The following DPP10 variants were observed in gnomAD, a reference collection of about 807,000 sequenced individuals.
The protein encoded by DPP10 is inactive dipeptidyl peptidase 10.
In DPP10, 33 loss-of-function variants were observed where a neutral mutation model predicts 120.9. That is an observed-to-expected ratio of 0.27 (90% CI 0.21 to 0.37). DPP10 has a LOEUF of 0.37. Among genes scored for constraint, DPP10 ranks in the 10% least tolerant of loss-of-function variants. The pLI, the probability that DPP10 is intolerant of heterozygous loss-of-function variation, is 1.00. For missense variants in DPP10, 816 were observed against 942.8 expected (o/e 0.87, Z 1.76); for synonymous variants, 337 against 326.1 (o/e 1.03, Z -0.36).
At chr2:114,841,529 A>T (rs1458969459) in intron 1 of DPP10, among the ~76,000 whole-genome samples, 3 of 152,142 alleles carry the variant, frequency 2.0e-5, no homozygotes. Flanking sequence ...TCAATGTGAA[A>T]GTCAGAGAAT....
At chr2:114,607,829 C>T (rs528803364) in intron 1 of DPP10, among the ~76,000 whole-genome samples, 6 of 152,316 alleles carry the variant, frequency 3.9e-5, no homozygotes, top group East Asian at 1.9e-4. Context: ...GGTTTGGACA[C>T]GAAGTCAGTC....
intron 1 of DPP10, among the ~76,000 whole-genome samples, chr2:114,536,446 C>A (rs1178010752): frequency 1.4e-5 from 2 of 137,976 alleles, no homozygotes; most frequent in Non-Finnish European, 3.1e-5. Context: ...CGCTCTGTCA[C>A]CCCGGCTGGA....
intron 8 of DPP10, among the ~76,000 whole-genome samples, chr2:115,729,645 C>G (rs2092850291): frequency 6.6e-6 from 1 of 152,104 alleles, no homozygotes; most frequent in Non-Finnish European, 1.5e-5. Flanking sequence ...TGGCATGCAC[C>G]TGTGTTCCCA....
intron 1 of DPP10, among the ~76,000 whole-genome samples, chr2:114,607,908 A>T (rs1230136954): frequency 2.0e-5 from 3 of 152,180 alleles, no homozygotes; most frequent in Non-Finnish European, 4.4e-5. Flanking sequence ...TCAAGGAAGA[A>T]TCTTGTCCAT....
intron 1 of DPP10, among the ~76,000 whole-genome samples, chr2:114,841,573 G>A (rs1227222346): frequency 1.3e-5 from 2 of 152,108 alleles, no homozygotes; most frequent in African/African-American, 4.8e-5. Flanking sequence ...TTCATTTCCA[G>A]CCAAGTTATG....
chr2:114,709,782 T>G (rs1017404994), intron 1 of DPP10, among the ~76,000 whole-genome samples: 1 of 152,186 alleles, frequency 6.6e-6, no homozygotes, highest in Non-Finnish European at 1.5e-5. Flanking sequence ...TAAGATTTTT[T>G]TCTCTCATTT....
intron 1 of DPP10, among the ~76,000 whole-genome samples, chr2:114,489,725 A>G (rs1318038521): frequency 6.6e-6 from 1 of 152,194 alleles, no homozygotes. Context: ...TCCTGGAGGT[A>G]AAAGTACCTC....
At chr2:114,973,578 C>T (rs1311310435) in intron 1 of DPP10, among the ~76,000 whole-genome samples, 1 of 143,906 alleles carries the variant, frequency 6.9e-6, no homozygotes, top group Non-Finnish European at 1.5e-5. Context: ...AGGAGAATGG[C>T]ATGAACCCGG....
rs534803185 is a variant in DPP10, at chr2:114,845,518, C to A, written c.60+402680C>A. 2.6e-5 allele frequency among the ~76,000 whole-genome samples: 4 copies of A among 152,226 alleles called. No individual in the cohort carries two copies. In the East Asian group the frequency reaches 7.7e-4, roughly 29 times the overall value. ...ATACAACCCAATGCATACAGAACATCATTTTAAGGCAGACAGGGCCACCAC... is the reference window on the plus strand; with the variant it reads ...ATACAACCCAATGCATACAGAACATAATTTTAAGGCAGACAGGGCCACCAC... On this transcript the variant is annotated intron_variant, in intron 1 of 25. Transcript: ENST00000410059.
intron 5 of DPP10, among the ~76,000 whole-genome samples, chr2:115,623,286 G>A (rs763660590): frequency 2.6e-5 from 4 of 151,940 alleles, no homozygotes; most frequent in East Asian, 1.9e-4. Flanking sequence ...CTGCTTTAGC[G>A]AATCAAAAAT....
At chr2:114,617,587 T>C (rs572328178) in intron 1 of DPP10, among the ~76,000 whole-genome samples, 44 of 152,220 alleles carry the variant, frequency 2.9e-4, no homozygotes, top group African/African-American at 1.0e-3. Flanking sequence ...GTGTGCAATC[T>C]GGCCCTATGT....
chr2:114,836,404 G>C (rs974973515), intron 1 of DPP10, among the ~76,000 whole-genome samples: 12 of 152,242 alleles, frequency 7.9e-5, no homozygotes, highest in African/African-American at 2.6e-4. Context: ...TGGGCTTCCG[G>C]GGGAGAAATC....
intron 1 of DPP10, among the ~76,000 whole-genome samples, chr2:115,130,657 C>G (rs1472819458): frequency 1.3e-5 from 2 of 152,110 alleles, no homozygotes; most frequent in Admixed American, 1.3e-4. Context: ...CATCAGTGAC[C>G]ATGCCTTTTC....
chr2:115,716,152 G>A (rs894622450), intron 7 of DPP10, among the ~76,000 whole-genome samples: 1 of 152,200 alleles, frequency 6.6e-6, no homozygotes, highest in Non-Finnish European at 1.5e-5. Flanking sequence ...TGTTGTCACT[G>A]AATTGGACAA....
At chr2:115,313,033 C>A (rs1157518815) in intron 2 of DPP10, among the ~76,000 whole-genome samples, 4 of 152,072 alleles carry the variant, frequency 2.6e-5, no homozygotes, top group Non-Finnish European at 5.9e-5. Flanking sequence ...ACCATCCTGG[C>A]CAACATGGTG....
At chr2:114,914,783 T>A (rs541608461) in intron 1 of DPP10, among the ~76,000 whole-genome samples, 26 of 152,142 alleles carry the variant, frequency 1.7e-4, no homozygotes, top group African/African-American at 6.0e-4. Flanking sequence ...AAGACCCAAC[T>A]GTATGCTATC....
In DPP10 at chr2:115,596,870, T is replaced by C. The variant is rs2421106; in HGVS notation, c.441+70898T>C. Among the ~76,000 whole-genome samples the C allele has an allele frequency of 7.9e-3, 1,210 of 152,306 alleles. 17 individuals are homozygous for C. The highest frequency in any genetic ancestry group is 0.028 in the African/African-American group (1,173 of 41,572). On this transcript the variant is annotated intron_variant, in intron 5 of 25. Transcript: ENST00000410059. Reference sequence around the variant, plus strand: ...TTTCAAATGGAGATTTCCTTAAATATGTAAATTTCTTTTACAAAAGAGTGT... The same window carrying C: ...TTTCAAATGGAGATTTCCTTAAATACGTAAATTTCTTTTACAAAAGAGTGT...
intron 15 of DPP10, among the ~76,000 whole-genome samples, chr2:115,778,403 C>T (rs1049909667): frequency 6.6e-6 from 1 of 152,006 alleles, no homozygotes; most frequent in Admixed American, 6.6e-5. Context: ...TACATTTGTT[C>T]AATTTCCCAA....
At chr2:115,182,336 A>C (rs2054134898) in intron 1 of DPP10, among the ~76,000 whole-genome samples, 1 of 152,220 alleles carries the variant, frequency 6.6e-6, no homozygotes, top group African/African-American at 2.4e-5. Flanking sequence ...TAATTACATT[A>C]ATGAATTCTG....
Sources: gnomAD v4.1 joint callset for allele counts (sites outside exome capture counted in the v4.1 genomes callset) on GRCh38, gnomAD v4.1.1 for gene constraint, MANE v1.5 for transcripts, NCBI Gene and HGNC (gene_info 2026-07-23, HGNC 2026-07-21) for gene names.